LRMDA: variants seen among roughly 807,000 people sequenced by gnomAD.
LRMDA encodes leucine rich melanocyte differentiation associated, also known as leucine-rich melanocyte differentiation-associated protein.
In LRMDA, 18 loss-of-function variants were observed where a neutral mutation model predicts 29.8. The ratio of observed to expected loss-of-function variants is 0.60; its 90% CI spans 0.42 to 0.90. LRMDA has a LOEUF of 0.90. LRMDA is among the 40% of genes least tolerant of loss of function. The probability of loss-of-function intolerance (pLI) is 0.00; values close to 1 mark genes in which losing one functional copy is unlikely to be tolerated. For synonymous variants in LRMDA, 125 were observed against 109.4 expected (o/e 1.14, Z -0.89); for missense variants, 273 against 273.9 (o/e 1.00, Z 0.02).
intron 2 of LRMDA, among the ~76,000 whole-genome samples, chr10:75,622,965 T>C (rs1841206183): frequency 6.6e-6 from 1 of 152,216 alleles, no homozygotes; most frequent in African/African-American, 2.4e-5. Context: ...ACTATTTTGT[T>C]ATACAGTACC....
intron 6 of LRMDA, among the ~76,000 whole-genome samples, chr10:76,531,078 A>G (rs945167829): frequency 3.9e-5 from 6 of 152,128 alleles, no homozygotes; most frequent in Non-Finnish European, 8.8e-5. Context: ...TGTTACTGTT[A>G]GAAAGAAAAT....
At chr10:75,662,424 C>G (rs1253117630) in intron 2 of LRMDA, among the ~76,000 whole-genome samples, 2 of 152,094 alleles carry the variant, frequency 1.3e-5, no homozygotes, top group Non-Finnish European at 1.5e-5. Flanking sequence ...CACTGCCTTC[C>G]ATTTCATCTA....
chr10:75,738,497 A>G (rs1842792410), intron 2 of LRMDA, among the ~76,000 whole-genome samples: 1 of 152,178 alleles, frequency 6.6e-6, no homozygotes, highest in Non-Finnish European at 1.5e-5. Flanking sequence ...GAACAGACCA[A>G]TTGTTTATAA....
chr10:76,533,236 C>A (rs1843254760), intron 6 of LRMDA, among the ~76,000 whole-genome samples: 1 of 152,090 alleles, frequency 6.6e-6, no homozygotes. Flanking sequence ...TGAATCTGTC[C>A]TAAAACCAGT....
intron 3 of LRMDA, among the ~76,000 whole-genome samples, chr10:76,043,358 G>A (rs1294608953): frequency 6.6e-6 from 1 of 152,130 alleles, no homozygotes; most frequent in East Asian, 1.9e-4. Flanking sequence ...AGACACAGAA[G>A]TGACTGCAAA....
At chr10:76,257,231 G>A (rs576362457) in intron 5 of LRMDA, among the ~76,000 whole-genome samples, 3 of 151,420 alleles carry the variant, frequency 2.0e-5, no homozygotes, top group Non-Finnish European at 2.9e-5. Flanking sequence ...TACTAATTAC[G>A]TGCTTATAAC....
At chr10:76,254,250 C>T (rs915854441) in intron 5 of LRMDA, among the ~76,000 whole-genome samples, 6 of 150,856 alleles carry the variant, frequency 4.0e-5, no homozygotes, top group African/African-American at 1.5e-4. Context: ...TCTTGAATTT[C>T]ATGTCCTATT....
intron 2 of LRMDA, among the ~76,000 whole-genome samples, chr10:75,572,338 G>T (rs1236238249): frequency 1.3e-5 from 2 of 150,788 alleles, no homozygotes; most frequent in African/African-American, 4.9e-5. Flanking sequence ...TTCTTTTTCA[G>T]CTTTTTTTTT....
chr10:75,618,575 T>G (rs1841140015), intron 2 of LRMDA, among the ~76,000 whole-genome samples: 1 of 148,842 alleles, frequency 6.7e-6, no homozygotes, highest in Admixed American at 6.7e-5. Context: ...GACTCCCCTG[T>G]GTAGTCACAT....
At chr10:75,539,879 G>A (rs1286783830) in intron 2 of LRMDA, among the ~76,000 whole-genome samples, 1 of 152,186 alleles carries the variant, frequency 6.6e-6, no homozygotes, top group East Asian at 1.9e-4. Flanking sequence ...AGAAGTCAGA[G>A]TCTGTCAGAG....
chr10:76,076,856 C>A (rs1270572441), intron 5 of LRMDA, among the ~76,000 whole-genome samples: 1 of 152,102 alleles, frequency 6.6e-6, no homozygotes, highest in African/African-American at 2.4e-5. Flanking sequence ...GCATTTATAG[C>A]CAGGAATAGA....
At chr10:75,843,647 G>A (rs1844581775) in intron 2 of LRMDA, among the ~76,000 whole-genome samples, 1 of 152,232 alleles carries the variant, frequency 6.6e-6, no homozygotes, top group Non-Finnish European at 1.5e-5. Context: ...CAAAGGCAGT[G>A]CTCATTATTA....
intron 2 of LRMDA, among the ~76,000 whole-genome samples, chr10:75,844,581 C>T (rs1259817750): frequency 1.3e-5 from 2 of 152,158 alleles, no homozygotes; most frequent in Non-Finnish European, 2.9e-5. Flanking sequence ...AGGCACAGTG[C>T]CTTGAATTTA....
chr10:76,514,681 C>T (rs1172916188), intron 6 of LRMDA, among the ~76,000 whole-genome samples: 7 of 152,106 alleles, frequency 4.6e-5, no homozygotes, highest in African/African-American at 1.7e-4. Context: ...GGCTTTCTTA[C>T]CAGCCTGCCC....
chr10:76,478,485 G>T (rs1312568597), intron 6 of LRMDA, among the ~76,000 whole-genome samples: 1 of 152,168 alleles, frequency 6.6e-6, no homozygotes, highest in African/African-American at 2.4e-5. Flanking sequence ...GGAAGTCAGT[G>T]TGGCAATTCC....
At chr10:75,688,033 A>AC (rs1842103407) in intron 2 of LRMDA, among the ~76,000 whole-genome samples, 1 of 152,228 alleles carries the variant, frequency 6.6e-6, no homozygotes, top group African/African-American at 2.4e-5. Context: ...TTGACAATGC[A>AC]CATAATCACC....
chr10:76,346,168 C>G (rs1028868490), intron 6 of LRMDA, among the ~76,000 whole-genome samples: 1 of 152,154 alleles, frequency 6.6e-6, no homozygotes, highest in African/African-American at 2.4e-5. Context: ...ACACAAAACT[C>G]CTAACAATAG....
chr10:76,031,335 C>T (rs1848146610), intron 2 of LRMDA, among the ~76,000 whole-genome samples: 1 of 152,168 alleles, frequency 6.6e-6, no homozygotes, highest in African/African-American at 2.4e-5. Flanking sequence ...CCACATGGCC[C>T]CAGGGAAACC....
At chr10:76,040,468 C>G (rs562337148) in intron 3 of LRMDA, among the ~76,000 whole-genome samples, 1 of 152,268 alleles carries the variant, frequency 6.6e-6, no homozygotes, top group East Asian at 1.9e-4. Context: ...ATTACCTCAT[C>G]TCTTGGTTCG....
Sources: allele counts gnomAD v4.1 joint callset (sites outside exome capture counted in the v4.1 genomes callset), GRCh38; gene constraint gnomAD v4.1.1; transcripts MANE v1.5; gene names NCBI Gene and HGNC (gene_info 2026-07-23, HGNC 2026-07-21).